The following LRCH2 variants were observed in gnomAD, a reference collection of about 807,000 sequenced individuals.
The protein encoded by LRCH2 is leucine rich repeats and calponin homology domain containing 2, also known as leucine-rich repeat and calponin homology domain-containing protein 2.
LRCH2 carries 38 observed loss-of-function variants against 68.9 expected under a neutral mutation model. The observed-to-expected ratio is 0.55, with a 90% CI of 0.43 to 0.72. LRCH2 has a LOEUF of 0.72. Ranked by LOEUF, LRCH2 falls within the 30% of genes least tolerant of loss-of-function variation. The probability of loss-of-function intolerance (pLI) is 0.00; values close to 1 mark genes in which losing one functional copy is unlikely to be tolerated. For missense variants in LRCH2, 528 were observed against 572.9 expected, an observed-to-expected ratio of 0.92 and a Z score of 0.80; for synonymous variants, 191 against 208.1, an observed-to-expected ratio of 0.92 and a Z score of 0.71.
chrX:115,200,289 A>T (rs782170065), intron 1 of LRCH2, among the ~76,000 whole-genome samples: 4 of 111,917 alleles, frequency 3.6e-5, no homozygotes, highest in South Asian at 7.4e-4. Context: ...CAAAGATCAC[A>T]GTAGAACTAA....
chrX:115,225,469 C>A (rs2073112656), intron 1 of LRCH2, among the ~76,000 whole-genome samples: 1 of 111,368 alleles, frequency 9.0e-6, no homozygotes, highest in African/African-American at 3.3e-5. Flanking sequence ...AAAATCGATT[C>A]CATATGAATT....
chrX:115,175,033 A>G (rs1210311400), intron 5 of LRCH2, among the ~76,000 whole-genome samples: 4 of 111,769 alleles, frequency 3.6e-5, no homozygotes, highest in African/African-American at 1.3e-4. Flanking sequence ...GATGTAACCA[A>G]TTGTGCCTCC....
intron 14 of LRCH2, among the ~76,000 whole-genome samples, chrX:115,148,551 T>C (rs2072406344): frequency 8.9e-6 from 1 of 111,923 alleles, no homozygotes; most frequent in Admixed American, 9.5e-5. Context: ...ATTTCCCCCA[T>C]ACCATCAGTC....
intron 1 of LRCH2, among the ~76,000 whole-genome samples, chrX:115,225,473 A>G (rs1033754488): frequency 8.9e-6 from 1 of 111,959 alleles, no homozygotes; most frequent in East Asian, 2.8e-4. Context: ...TCGATTCCAT[A>G]TGAATTAAGA....
chrX:115,181,935 T>TA (rs1556552914), intron 3 of LRCH2, among the ~76,000 whole-genome samples: 26 of 111,769 alleles, frequency 2.3e-4, no homozygotes, highest in African/African-American at 7.5e-4. Flanking sequence ...ACTGAACATA[T>TA]ATTAACTTTT....
chrX:115,142,509 A>T (rs2072347982), intron 14 of LRCH2, among the ~76,000 whole-genome samples: 1 of 112,040 alleles, frequency 8.9e-6, no homozygotes, highest in African/African-American at 3.2e-5. Context: ...ACCAGAAATC[A>T]ATAAGAAGAA....
chrX:115,181,931 CA>C (rs1556552896), intron 3 of LRCH2, among the ~76,000 whole-genome samples: 26 of 111,384 alleles, frequency 2.3e-4, no homozygotes, highest in African/African-American at 7.5e-4. Flanking sequence ...CTGTACTGAA[CA>C]TATATTAACT....
At chrX:115,197,311 T>G (rs1556563769) in intron 1 of LRCH2, among the ~76,000 whole-genome samples, 2 of 109,201 alleles carry the variant, frequency 1.8e-5, no homozygotes, top group Admixed American at 1.9e-4. Flanking sequence ...GAAAAAAAAA[T>G]CCTCAAAATC....
intron 14 of LRCH2, chrX:115,138,959 A>G (rs2072312896): frequency 8.9e-6 from 1 of 112,061 alleles, no homozygotes; most frequent in Admixed American, 9.5e-5. Context: ...TAGTTTAAAA[A>G]CCAGAAAAAC....
chrX:115,190,958 T>TA (rs1266237186), intron 1 of LRCH2: 2 of 991,162 alleles, frequency 2.0e-6, no homozygotes, highest in African/African-American at 6.0e-5. Flanking sequence ...CGCTACGGAG[T>TA]AGGAGGCCAC....
intron 12 of LRCH2, among the ~76,000 whole-genome samples, chrX:115,156,045 C>T (rs2072472173): frequency 9.0e-6 from 1 of 111,442 alleles, no homozygotes; most frequent in African/African-American, 3.3e-5. Flanking sequence ...AAAAAAGGAG[C>T]TATGTCTTGG....
intron 12 of LRCH2, among the ~76,000 whole-genome samples, chrX:115,153,515 A>G (rs910687240): frequency 1.8e-5 from 2 of 111,154 alleles, no homozygotes; most frequent in Non-Finnish European, 3.8e-5. Context: ...CACATAAAAG[A>G]CATTATTCTG....
chrX:115,166,374 G>A, intron 6 of LRCH2, 32 bp from the exon 7 acceptor site: 1 of 984,064 alleles, frequency 1.0e-6, no homozygotes, highest in Non-Finnish European at 1.4e-6. Context: ...GAGCAGTTAG[G>A]ATTTTCTTCT....
At chrX:115,142,408 G>A (rs782809100) in intron 14 of LRCH2, among the ~76,000 whole-genome samples, 1 of 112,253 alleles carries the variant, frequency 8.9e-6, no homozygotes, top group Non-Finnish European at 1.9e-5. Flanking sequence ...TAGACCATAT[G>A]TTAGGTCACA....
chrX:115,126,806 A>G, intron 16 of LRCH2, 37 bp downstream of exon 16: 1 of 1,041,977 alleles, frequency 9.6e-7, no homozygotes, highest in Non-Finnish European at 1.3e-6. Flanking sequence ...AAACATACAA[A>G]ACGTATTTTT....
At chrX:115,125,564 T>C (rs1441306510) in intron 16 of LRCH2, among the ~76,000 whole-genome samples, 1 of 29,268 alleles carries the variant, frequency 3.4e-5, no homozygotes, top group Non-Finnish European at 5.3e-5. Context: ...TATATATATA[T>C]ATATATATAC....
intron 1 of LRCH2, chrX:115,189,382 C>A: frequency 8.9e-7 from 1 of 1,117,624 alleles, no homozygotes; most frequent in Non-Finnish European, 1.2e-6. Flanking sequence ...TCGAAGGCCG[C>A]GACTGAACTG....
chrX:115,176,429 T>C lies in LRCH2; in HGVS notation c.864+2998A>G, dbSNP rs982888656. ...TTCCCTGATGATTAGGAATGCTGAA[T>C]ATCTTTTCATATAGCTGTTGGCCAT... is the stretch of plus-strand genomic sequence containing the variant. On this transcript the variant is annotated intron_variant, in intron 5 of 20. Transcript: ENST00000317135. Among the ~76,000 whole-genome samples the C allele has an allele frequency of 4.5e-5, 5 of 112,014 alleles. No homozygotes were observed. The Admixed American group carries it at 4.7e-4, about 11-fold the overall frequency.
At chrX:115,177,640 TTTTAC>T (rs1404601801) in intron 5 of LRCH2, among the ~76,000 whole-genome samples, 1 of 112,095 alleles carries the variant, frequency 8.9e-6, no homozygotes, top group Non-Finnish European at 1.9e-5. Flanking sequence ...TATTTATTTA[TTTTAC>T]TTTAAGTTCT....
Sources: gnomAD v4.1 joint callset for allele counts (sites outside exome capture counted in the v4.1 genomes callset) on GRCh38, gnomAD v4.1.1 for gene constraint, MANE v1.5 for transcripts, NCBI Gene and HGNC (gene_info 2026-07-23, HGNC 2026-07-21) for gene names.